The following LINGO2 variants were observed in gnomAD, a reference collection of about 807,000 sequenced individuals.
LINGO2 encodes the protein leucine-rich repeat and immunoglobulin-like domain-containing nogo receptor-interacting protein 2.
Under a neutral mutation model 30.6 loss-of-function variants are expected in LINGO2, and 14 were observed. The ratio of observed to expected loss-of-function variants is 0.46; its 90% confidence interval spans 0.30 to 0.72. LINGO2 has a LOEUF of 0.72. LINGO2 is among the 30% of genes least tolerant of loss of function. LINGO2 has a pLI of 0.07. For missense variants in LINGO2, 729 were observed against 751.7 expected, an observed-to-expected ratio of 0.97 and a Z score of 0.35; for synonymous variants, 317 against 288.5, an observed-to-expected ratio of 1.10 and a Z score of -1.00.
rs557665210 is a variant in LINGO2 at position 28,452,658 on chromosome 9, G to A, written c.-279+23282C>T. The stretch of plus-strand genomic sequence containing the variant: ...AAAGTATAAATTAGGGAAAGTGATT[G>A]CATACAAGAAGTGATTACATCTGTT... On this transcript the variant is annotated intron_variant, in intron 2 of 5. Coordinates refer to ENST00000379992, the Ensembl canonical transcript of LINGO2. Among the ~76,000 whole-genome samples the A allele has an allele frequency of 6.6e-5, 10 of 151,946 alleles. No homozygotes were observed. In the East Asian group the frequency reaches 1.7e-3, roughly 26 times the overall value.
At chr9:28,446,538 TTCAA>T (rs1462735555) in intron 2 of LINGO2, among the ~76,000 whole-genome samples, 2 of 152,232 alleles carry the variant, frequency 1.3e-5, no homozygotes, top group African/African-American at 4.8e-5. Flanking sequence ...CTTCACCACA[TTCAA>T]TCAATTACTA....
chr9:28,749,324 C>T, the LINGO2 span, among the ~76,000 whole-genome samples: 12 of 151,982 alleles, frequency 7.9e-5, no homozygotes, highest in African/African-American at 2.4e-5. Context: ...CTCTAGCATC[C>T]TATTCCCCCA....
Position 28,228,788 on chromosome 9 carries a change from T to C in LINGO2, c.-87+66420A>G, listed in dbSNP as rs143940613. 8.6e-5 allele frequency among the ~76,000 whole-genome samples: 13 copies of C among 151,800 alleles called. No homozygotes were observed. The East Asian group carries it at 2.5e-3, about 29-fold the overall frequency. On this transcript the variant is annotated intron_variant, in intron 4 of 5. Coordinates refer to ENST00000379992, the Ensembl canonical transcript of LINGO2. ...AAAACAAAATAATACTTTAATATAA[T>C]AATTTAATATTTTGGAATTATTTTT... is the stretch of plus-strand genomic sequence containing the variant.
At chr9:28,334,940 T>A (rs1305407104) in intron 3 of LINGO2, among the ~76,000 whole-genome samples, 1 of 152,166 alleles carries the variant, frequency 6.6e-6, no homozygotes, top group Non-Finnish European at 1.5e-5. Context: ...AACCCAGGAA[T>A]GACTGAGTCA....
At position 28,494,667 on chromosome 9, in the gene LINGO2, G is replaced by A. The variant is rs560772855; in HGVS notation, c.-364-18642C>T. Among the ~76,000 whole-genome samples, 122 of 152,216 alleles carry A rather than the reference G, an allele frequency of 8.0e-4. 1 individual carries two copies. The highest frequency in any genetic ancestry group is 1.4e-3 in the African/African-American group (59 of 41,538). On this transcript the variant is annotated intron_variant, in intron 1 of 5. Coordinates refer to ENST00000379992, the Ensembl canonical transcript of LINGO2. ...AGTCTTTGCTATTGTGAATAGTGCC[G>A]CAATAAACATACGTGTGCATGTGTC...
the LINGO2 span, among the ~76,000 whole-genome samples, chr9:28,771,453 GT>G: frequency 0.16 from 5,698 of 34,836 alleles, 229 homozygotes; most frequent in African/African-American, 0.39. Context: ...TTCCTATTTG[GT>G]GTGTGTGTGT....
rs140381349 is a variant in LINGO2 at position 28,314,072 on chromosome 9, C to G, written c.-245-18706G>C. On this transcript the variant is annotated intron_variant, in intron 3 of 5. Transcript: ENST00000379992. Reference sequence around the variant, plus strand: ...GCCTCAGCCTCCCGCGTAGCTGGGACTACAGGCGCCCACCACCTCGCCCGG... The same window carrying G: ...GCCTCAGCCTCCCGCGTAGCTGGGAGTACAGGCGCCCACCACCTCGCCCGG... Among the ~76,000 whole-genome samples the G allele has an allele frequency of 2.0e-5, 3 of 152,216 alleles. No homozygotes were observed. The East Asian group carries it at 5.8e-4, about 30-fold the overall frequency.
chr9:28,302,700 G>T (rs1336219331), intron 3 of LINGO2, among the ~76,000 whole-genome samples: 18 of 152,128 alleles, frequency 1.2e-4, no homozygotes, highest in Admixed American at 1.2e-3. Context: ...CCTTTCAGCA[G>T]GGTGATGGTA....
At chr9:28,839,292 A>C in the LINGO2 span, among the ~76,000 whole-genome samples, 1 of 152,212 alleles carries the variant, frequency 6.6e-6, no homozygotes, top group Non-Finnish European at 1.5e-5. Context: ...CACACAGACA[A>C]CTGGAGGGTG....
the LINGO2 span, among the ~76,000 whole-genome samples, chr9:29,074,038 A>AT: frequency 0.2 from 29,974 of 151,840 alleles, 3,105 homozygotes; most frequent in African/African-American, 0.24. Context: ...TCAAACTTTG[A>AT]TTTTTTTCTA....
intron 1 of LINGO2, among the ~76,000 whole-genome samples, chr9:28,623,033 G>T (rs1005909964): frequency 2.0e-5 from 3 of 151,950 alleles, no homozygotes; most frequent in African/African-American, 4.8e-5. Context: ...TTTTAAATTA[G>T]ATTATTAGAT....
At chr9:27,952,123 A>C (rs1221749605) in intron 5 of LINGO2, among the ~76,000 whole-genome samples, 1 of 152,064 alleles carries the variant, frequency 6.6e-6, no homozygotes, top group Non-Finnish European at 1.5e-5. Flanking sequence ...AAATCAACTA[A>C]AATGATTAGA....
chr9:28,983,245 G>A, the LINGO2 span, among the ~76,000 whole-genome samples: 9 of 149,932 alleles, frequency 6.0e-5, no homozygotes, highest in Admixed American at 3.4e-4. Context: ...ATTGTGTCTC[G>A]CAAAGTCTAA....
intron 2 of LINGO2, among the ~76,000 whole-genome samples, chr9:28,432,241 G>A (rs958697306): frequency 6.6e-6 from 1 of 151,910 alleles, no homozygotes; most frequent in African/African-American, 2.4e-5. Context: ...GACTATTGGG[G>A]GAGATAGTTT....
intron 1 of LINGO2, among the ~76,000 whole-genome samples, chr9:28,592,950 G>A (rs575974554): frequency 1.6e-4 from 24 of 151,974 alleles, no homozygotes; most frequent in Non-Finnish European, 3.2e-4. Flanking sequence ...ATGGAACTAT[G>A]TTCCATTACA....
the LINGO2 span, among the ~76,000 whole-genome samples, chr9:28,998,076 G>C: frequency 6.6e-6 from 1 of 152,084 alleles, no homozygotes; most frequent in Middle Eastern, 3.2e-3. Context: ...TTTGAACCTA[G>C]GTCTCTTAAA....
At chr9:28,972,630 G>A in the LINGO2 span, among the ~76,000 whole-genome samples, 2 of 152,152 alleles carry the variant, frequency 1.3e-5, no homozygotes, top group Non-Finnish European at 2.9e-5. Context: ...AGACGTATTA[G>A]TCTGTTCTCA....
chr9:27,975,820 T>G (rs1820566089), intron 5 of LINGO2, among the ~76,000 whole-genome samples: 1 of 152,124 alleles, frequency 6.6e-6, no homozygotes, highest in Admixed American at 6.6e-5. Flanking sequence ...TGACACAAAT[T>G]TTATTGTCTT....
the LINGO2 span, among the ~76,000 whole-genome samples, chr9:28,851,112 G>A: frequency 4.6e-5 from 7 of 151,982 alleles, no homozygotes; most frequent in Non-Finnish European, 8.8e-5. Context: ...ATGTTAGCCC[G>A]ATGCTCACTT....
Sources: allele counts gnomAD v4.1 joint callset (sites outside exome capture counted in the v4.1 genomes callset), GRCh38; gene constraint gnomAD v4.1.1; transcripts MANE v1.5; gene names NCBI Gene and HGNC (gene_info 2026-07-23, HGNC 2026-07-21).